The following NIBAN1 variants were observed in gnomAD, a reference collection of about 807,000 sequenced individuals.
NIBAN1 encodes the protein niban apoptosis regulator 1.
NIBAN1 carries 81 observed loss-of-function variants against 75.1 expected under a neutral mutation model. The observed-to-expected ratio is 1.08, with a 90% CI of 0.90 to 1.30. The LOEUF is 1.30. Ranked by LOEUF, NIBAN1 falls within the 50% of genes most tolerant of loss-of-function variation. NIBAN1 has a pLI of 0.00. For synonymous variants in NIBAN1, 436 were observed against 424.8 expected (o/e 1.03, Z -0.32); for missense variants, 1,133 against 1,128.1 (o/e 1.00, Z -0.06).
chr1:184,967,668 C>T (rs1161657160), intron 1 of NIBAN1, among the ~76,000 whole-genome samples: 1 of 152,128 alleles, frequency 6.6e-6, no homozygotes, highest in Non-Finnish European at 1.5e-5. Flanking sequence ...TATTGTCATC[C>T]TAGTAGTTAC....
chr1:184,804,350 G>A (rs1232646724), intron 11 of NIBAN1, among the ~76,000 whole-genome samples: 1 of 152,240 alleles, frequency 6.6e-6, no homozygotes, highest in African/African-American at 2.4e-5. Flanking sequence ...GAGATAATAA[G>A]TTAGGGCAAG....
In NIBAN1 at chr1:184,899,246, A is replaced by G; in HGVS notation, c.119T>C (p.Phe40Ser). The G allele has an allele frequency of 6.2e-7, 1 of 1,614,016 alleles. No individual in the cohort carries two copies. ...TACTTCAGTGCGCACGTGATTGCAG[A>G]AAGCCACAGAGTACTGACGACTGTA... ...PYYSRQYSVA[F>S]CNHVRTEVEQ... Residue 40 changes from phenylalanine to serine, a missense_variant, in exon 2 of 14, where the codon TTC becomes TCC. Transcript: ENST00000367511.
chr1:184,864,456 A>T (rs1473952066), intron 5 of NIBAN1, among the ~76,000 whole-genome samples: 1 of 152,140 alleles, frequency 6.6e-6, no homozygotes, highest in Admixed American at 6.5e-5. Context: ...TACACATTTG[A>T]ATAGGGTGAA....
chr1:184,798,996 A>T (rs922126666), intron 12 of NIBAN1, among the ~76,000 whole-genome samples: 6 of 151,366 alleles, frequency 4.0e-5, no homozygotes, highest in African/African-American at 1.5e-4. Context: ...AAAAATTGAG[A>T]TTTTTTTTCA....
chr1:184,834,724 A>T (rs1655092555), intron 5 of NIBAN1, among the ~76,000 whole-genome samples: 1 of 151,722 alleles, frequency 6.6e-6, no homozygotes, highest in East Asian at 1.9e-4. Flanking sequence ...TTGTAAATTT[A>T]TTTAAGTTCT....
intron 1 of NIBAN1, among the ~76,000 whole-genome samples, chr1:184,906,268 AACACACACACACACACACATGCAC>A: frequency 6.7e-6 from 1 of 149,744 alleles, no homozygotes; most frequent in Non-Finnish European, 1.5e-5. Context: ...AAAATAAATG[AACACACACACACACACACATGCAC>A]ACACACACAC....
At chr1:184,883,971 A>G (rs1301453724) in intron 5 of NIBAN1, among the ~76,000 whole-genome samples, 1 of 152,238 alleles carries the variant, frequency 6.6e-6, no homozygotes, top group African/African-American at 2.4e-5. Flanking sequence ...TCTTGCTGGC[A>G]TTTAGATTTT....
At chr1:184,806,586 C>T (rs1018395010) in intron 10 of NIBAN1, among the ~76,000 whole-genome samples, 7 of 152,044 alleles carry the variant, frequency 4.6e-5, no homozygotes, top group Non-Finnish European at 8.8e-5. Flanking sequence ...TCCAGTATTA[C>T]GAAAGAGACT....
At chr1:184,868,648 A>G (rs374001188) in intron 5 of NIBAN1, 13 of 152,382 alleles carry the variant, frequency 8.5e-5, no homozygotes, top group African/African-American at 3.1e-4. Flanking sequence ...CCTCTCAAGT[A>G]GATATCAAGA....
intron 1 of NIBAN1, among the ~76,000 whole-genome samples, chr1:184,965,349 G>A (rs917499709): frequency 6.6e-6 from 1 of 151,804 alleles, no homozygotes; most frequent in African/African-American, 2.4e-5. Context: ...CTTCACAAAA[G>A]GATTGATTCT....
intron 6 of NIBAN1, 28 bp from the exon 7 acceptor site, chr1:184,823,770 G>A (rs377109407): frequency 5.1e-5 from 81 of 1,598,428 alleles, no homozygotes; most frequent in Non-Finnish European, 6.2e-5. Context: ...GCCCAGAGTC[G>A]GTCAGTCGGT....
chr1:184,959,870 C>T (rs991652017), intron 1 of NIBAN1, among the ~76,000 whole-genome samples: 3 of 152,144 alleles, frequency 2.0e-5, no homozygotes, highest in African/African-American at 7.2e-5. Context: ...ATTCTTTGGC[C>T]CTATAAATCA....
intron 13 of NIBAN1, among the ~76,000 whole-genome samples, chr1:184,797,020 A>T (rs1331884005): frequency 6.6e-6 from 1 of 152,040 alleles, no homozygotes; most frequent in East Asian, 1.9e-4. Context: ...AGCTACTAGG[A>T]CCTTGGGCTT....
At position 184,852,768 on chromosome 1, in the gene NIBAN1, C is replaced by T. The variant is rs557245698; in HGVS notation, c.602-20806G>A. On this transcript the variant is annotated intron_variant, in intron 5 of 13. Coordinates refer to ENST00000367511, the MANE Select transcript of NIBAN1 (RefSeq NM_052966.4). ...ACCTTCTCCTTTTCTTCCCGCTAAA[C>T]ATTCTCTCTTTCTCTCCGTCTGCCT... Among the ~76,000 whole-genome samples, 4 of 152,336 alleles carry T rather than the reference C, an allele frequency of 2.6e-5. No individual in the cohort carries two copies. In the South Asian group the frequency reaches 8.3e-4, roughly 32 times the overall value.
chr1:184,872,660 T>C (rs1377637821), intron 5 of NIBAN1, among the ~76,000 whole-genome samples: 1 of 151,548 alleles, frequency 6.6e-6, no homozygotes, highest in Non-Finnish European at 1.5e-5. Context: ...TAAGCCAAGA[T>C]CGTGCTATTG....
At chr1:184,908,148 C>T (rs1253712647) in intron 1 of NIBAN1, among the ~76,000 whole-genome samples, 1 of 152,118 alleles carries the variant, frequency 6.6e-6, no homozygotes, top group African/African-American at 2.4e-5. Context: ...AAACCTGCAG[C>T]GAAGTGTGAG....
At chr1:184,951,951 A>G (rs2102065010) in intron 1 of NIBAN1, among the ~76,000 whole-genome samples, 1 of 152,132 alleles carries the variant, frequency 6.6e-6, no homozygotes, top group South Asian at 2.1e-4. Context: ...CCATCTTATT[A>G]TTTCTTAGTT....
intron 9 of NIBAN1, among the ~76,000 whole-genome samples, chr1:184,809,552 A>T (rs898960331): frequency 2.0e-5 from 3 of 151,946 alleles, no homozygotes; most frequent in Non-Finnish European, 4.4e-5. Flanking sequence ...CAACCTGGCT[A>T]TCTTGTCTTA....
At chr1:184,881,498 A>T (rs957329660) in intron 5 of NIBAN1, among the ~76,000 whole-genome samples, 2 of 152,158 alleles carry the variant, frequency 1.3e-5, no homozygotes, top group African/African-American at 4.8e-5. Flanking sequence ...GTTACAGGAA[A>T]GGGGTCCCGA....
Sources: gnomAD v4.1 joint callset for allele counts (sites outside exome capture counted in the v4.1 genomes callset) on GRCh38, gnomAD v4.1.1 for gene constraint, MANE v1.5 for transcripts, NCBI Gene and HGNC (gene_info 2026-07-23, HGNC 2026-07-21) for gene names.